Variants in RBSN observed in about 807,000 individuals in gnomAD.
RBSN encodes rabenosyn, RAB effector, also known as rabenosyn-5.
A neutral mutation model predicts 60.5 loss-of-function variants in RBSN; 34 were observed. The observed-to-expected ratio is 0.56, with a 90% CI of 0.43 to 0.75. RBSN has a LOEUF of 0.75. Among genes scored for constraint, RBSN ranks in the 30% least tolerant of loss-of-function variants. The pLI is 0.00. For synonymous variants in RBSN, 322 were observed against 366.9 expected (o/e 0.88, Z 1.40); for missense variants, 845 against 986.8 (o/e 0.86, Z 1.92).
intron 9 of RBSN, chr3:15,081,521 C>T (rs1214248832): frequency 6.6e-6 from 1 of 152,358 alleles, no homozygotes; most frequent in Non-Finnish European, 1.5e-5. Context: ...GAGAATGCTA[C>T]ATCTGCAACC....
intron 6 of RBSN, among the ~76,000 whole-genome samples, 160 bp from the exon 7 acceptor site, chr3:15,085,205 CAG>C (rs1239348326): frequency 6.6e-6 from 1 of 152,146 alleles, no homozygotes; most frequent in African/African-American, 2.4e-5. Context: ...TCACATGGGA[CAG>C]GGTATTAGTT....
rs545491302 is a variant in RBSN at position 15,095,128 on chromosome 3, C to T, written c.148+845G>A. Among the ~76,000 whole-genome samples, 6 of 152,208 alleles carry T rather than the reference C, an allele frequency of 3.9e-5. No individual in the cohort carries two copies. In the South Asian group the frequency reaches 6.2e-4, roughly 16 times the overall value. Reference sequence around the variant, plus strand: ...TCCCTGGGCTCAAGTGATCCTCCTACCTCAGTCTCCTGAGTAGCTGGGACT... The same window carrying T: ...TCCCTGGGCTCAAGTGATCCTCCTATCTCAGTCTCCTGAGTAGCTGGGACT... On this transcript the variant is annotated intron_variant, in intron 4 of 13. Coordinates refer to ENST00000253699, the MANE Select transcript of RBSN (RefSeq NM_022340.4).
chr3:15,089,479 A>AAAAAAAAAC (rs1559350681), intron 5 of RBSN, among the ~76,000 whole-genome samples: 75 of 104,022 alleles, frequency 7.2e-4, no homozygotes, highest in Admixed American at 1.0e-3. Context: ...AAAAAAAAAC[A>AAAAAAAAAC]AAAAAAAAAA....
intron 6 of RBSN, 60 bp from the exon 7 acceptor site, chr3:15,085,105 C>A: frequency 6.4e-7 from 1 of 1,571,338 alleles, no homozygotes; most frequent in South Asian, 1.1e-5. Context: ...ATGCTCCACA[C>A]TTTCCAATAC....
intron 12 of RBSN, among the ~76,000 whole-genome samples, chr3:15,076,085 T>C (rs919030820): frequency 6.6e-6 from 1 of 152,002 alleles, no homozygotes; most frequent in African/African-American, 2.4e-5. Context: ...GATATTTTAG[T>C]TGTTTATGAT....
intron 10 of RBSN, among the ~76,000 whole-genome samples, chr3:15,078,777 TAC>T (rs2043123400): frequency 5.3e-5 from 1 of 18,978 alleles, no homozygotes; most frequent in Non-Finnish European, 1.1e-4. Context: ...AAAAAAAAAA[TAC>T]ATATATATAT....
intron 10 of RBSN, among the ~76,000 whole-genome samples, chr3:15,079,006 A>G (rs185956132): frequency 5.8e-4 from 88 of 152,028 alleles, no homozygotes; most frequent in Non-Finnish European, 1.1e-3. Flanking sequence ...GGTTGGGAAA[A>G]CACTGCTGGG....
intron 5 of RBSN, among the ~76,000 whole-genome samples, chr3:15,089,642 A>T (rs1220190000): frequency 6.7e-6 from 1 of 148,958 alleles, no homozygotes; most frequent in African/African-American, 2.5e-5. Context: ...ACAGAGTCTC[A>T]CTCTGTCACC....
Position 15,085,933 on chromosome 3 carries a change from G to T in RBSN, c.318C>A (p.Phe106Leu), listed in dbSNP as rs2043326423. The change falls in exon 6 of 14, where the codon TTC (phenylalanine) becomes TTA (leucine). Residue 106 changes from phenylalanine (F) to leucine (L), a missense_variant. Coordinates refer to ENST00000253699, the MANE Select transcript of RBSN (RefSeq NM_022340.4). ...LGAVRSHLSD[F>L]KKHRAARIDH... ...CAATTCTAGCAGCTCGGTGTTTTTT[G>T]AAGTCGGAAAGATGGCTTCTCACAG... 6.2e-7 allele frequency: 1 copy of T among 1,613,678 alleles called. No homozygotes were observed.
intron 6 of RBSN, 133 bp from the exon 7 acceptor site, chr3:15,085,178 A>G: frequency 9.5e-7 from 1 of 1,051,054 alleles, no homozygotes; most frequent in Non-Finnish European, 1.4e-6. Flanking sequence ...CAACGCCACA[A>G]AATCACAAAA....
chr3:15,097,386 G>A (rs2043689115), intron 2 of RBSN, among the ~76,000 whole-genome samples: 2 of 152,084 alleles, frequency 1.3e-5, no homozygotes, highest in Admixed American at 1.3e-4. Flanking sequence ...GTGGTGGTAG[G>A]CGCCTGTAAT....
At chr3:15,078,020 G>T in intron 11 of RBSN, 55 bp downstream of exon 11, 2 of 1,481,928 alleles carry the variant, frequency 1.3e-6, no homozygotes, top group Non-Finnish European at 1.9e-6. Context: ...CATTTCATTA[G>T]AACAGCATCT....
At chr3:15,087,625 T>G (rs1232952153) in intron 5 of RBSN, among the ~76,000 whole-genome samples, 1 of 151,996 alleles carries the variant, frequency 6.6e-6, no homozygotes, top group African/African-American at 2.4e-5. Context: ...GCTATACTCT[T>G]TATTTATTTT....
chr3:15,074,605 TG>T lies in RBSN; in HGVS notation c.1531del (p.Gln511ArgfsTer65). The T allele has an allele frequency of 6.2e-7, 1 of 1,614,268 alleles. No homozygotes were observed. Among genetic ancestry groups the T allele is most frequent in the Non-Finnish European group, 8.5e-7 (1 of 1,180,050 alleles). ...TEKAIELSRRQAEEEDLQREQ... is the reference protein window; with the variant it reads ...TEKAIELSRRXAEEEDLQREQ... Reference sequence around the variant, plus strand: ...CCGCTGCAGGTCCTCCTCCTCAGCCTGCCTCCGGGACAGCTCGATGGCCTTC... The same window carrying T: ...CCGCTGCAGGTCCTCCTCCTCAGCCTCCTCCGGGACAGCTCGATGGCCTTC... On this transcript the variant is annotated frameshift_variant, in exon 14 of 14. Coordinates refer to ENST00000253699, the MANE Select transcript of RBSN (RefSeq NM_022340.4). LOFTEE classifies it low-confidence loss of function (END_TRUNC). This position sits in a 1 kb window ranked among gnomAD's most constrained non-coding sequence, Gnocchi z 6.4.
chr3:15,092,101 T>C lies in RBSN; in HGVS notation c.149-1562A>G, dbSNP rs77290233. On this transcript the variant is annotated intron_variant, in intron 4 of 13. Transcript: ENST00000253699. The stretch of plus-strand genomic sequence containing the variant: ...GGCTGATCATAGCTCACTGCAGCCT[T>C]GATCTCTTGGGCTCAAGCGATCCTC... 3.9e-5 allele frequency among the ~76,000 whole-genome samples: 6 copies of C among 152,230 alleles called. No individual in the cohort carries two copies. In the South Asian group the frequency reaches 1.0e-3, roughly 26 times the overall value.
intron 10 of RBSN, 24 bp from the exon 11 acceptor site, chr3:15,078,185 G>A (rs1369489200): frequency 3.1e-6 from 5 of 1,606,022 alleles, no homozygotes; most frequent in South Asian, 1.1e-5. Context: ...AGAGACACGT[G>A]ACCTAAGTTT....
intron 6 of RBSN, 108 bp from the exon 7 acceptor site, chr3:15,085,153 CT>C (rs1442394319): frequency 6.3e-5 from 82 of 1,305,730 alleles, no homozygotes; most frequent in Non-Finnish European, 7.8e-5. Flanking sequence ...TTCCTCAAGT[CT>C]CATCTGTCAT....
At position 15,071,755 on chromosome 3, in the gene RBSN, C is replaced by T. The variant is rs1318167390; in HGVS notation, c.*2027G>A. The T allele has an allele frequency of 6.6e-6, 1 of 152,604 alleles. No homozygotes were observed. Among genetic ancestry groups the T allele is most frequent in the Non-Finnish European group, 1.5e-5 (1 of 68,044 alleles). The allele number at this position is 152,604 out of a possible 1,614,324, so 9.5% of individuals were successfully genotyped here. A position where few individuals can be genotyped will look rare whatever the true frequency, so the allele number is the denominator to read the frequency against. On this transcript the variant is annotated 3_prime_UTR_variant, in exon 14 of 14. Coordinates refer to ENST00000253699, the MANE Select transcript of RBSN (RefSeq NM_022340.4). ...CATTCCCATTATCAAGAGGGGTCTT[C>T]ACCAGAATGTAACAAAATGAATTTC...
chr3:15,077,238 G>C lies in RBSN; in HGVS notation c.999-74C>G. The C allele has an allele frequency of 7.9e-7, 1 of 1,270,912 alleles. No homozygotes were observed. Among genetic ancestry groups the C allele is most frequent in the Non-Finnish European group, 1.1e-6 (1 of 871,896 alleles). 78.7% of individuals were successfully genotyped at this position (1,270,912 alleles called of 1,614,324 possible). On this transcript the variant is annotated intron_variant, in intron 11 of 13. Coordinates refer to ENST00000253699, the MANE Select transcript of RBSN (RefSeq NM_022340.4). This position sits in a 1 kb window ranked among gnomAD's most constrained non-coding sequence, Gnocchi z 4.4. Reference sequence around the variant, plus strand: ...AACAAGGGTGAAAAGTATAACATCTGGAGTTGCCAGGCTTTCATGCCAGGA... The same window carrying C: ...AACAAGGGTGAAAAGTATAACATCTCGAGTTGCCAGGCTTTCATGCCAGGA...
Sources: gnomAD v4.1 joint callset for allele counts (sites outside exome capture counted in the v4.1 genomes callset) on GRCh38, gnomAD v4.1.1 for gene constraint, Gnocchi (gnomAD v3.1) non-coding constraint, MANE v1.5 for transcripts, NCBI Gene and HGNC (gene_info 2026-07-23, HGNC 2026-07-21) for gene names.